PDLIM5: variants seen among roughly 807,000 people sequenced by gnomAD.
PDLIM5 encodes the protein PDZ and LIM domain protein 5.
In PDLIM5, 34 loss-of-function variants were observed where a neutral mutation model predicts 64.2. The ratio of observed to expected loss-of-function variants is 0.53; its 90% CI spans 0.40 to 0.71. The LOEUF (loss-of-function observed/expected upper bound fraction) is 0.71, where lower values mean the gene tolerates loss of function less well. Among genes scored for constraint, PDLIM5 ranks in the 30% least tolerant of loss-of-function variants. The probability of loss-of-function intolerance (pLI) is 0.00; values close to 1 mark genes in which losing one functional copy is unlikely to be tolerated. For missense variants in PDLIM5, 683 were observed against 733.6 expected, an observed-to-expected ratio of 0.93 and a Z score of 0.80; for synonymous variants, 253 against 269.1, an observed-to-expected ratio of 0.94 and a Z score of 0.59.
chr4:94,661,032 C>T (rs1742665229), intron 11 of PDLIM5, among the ~76,000 whole-genome samples: 1 of 151,858 alleles, frequency 6.6e-6, no homozygotes, highest in Non-Finnish European at 1.5e-5. Context: ...TCCAGTGAGC[C>T]GAGATCGCGC....
chr4:94,581,139 G>A (rs1735699348), intron 5 of PDLIM5, among the ~76,000 whole-genome samples: 1 of 152,126 alleles, frequency 6.6e-6, no homozygotes, highest in South Asian at 2.1e-4. Context: ...GGGGGAAAGT[G>A]GGCAGCACAG....
At chr4:94,537,778 A>C (rs1052668645) in intron 3 of PDLIM5, among the ~76,000 whole-genome samples, 2 of 152,224 alleles carry the variant, frequency 1.3e-5, no homozygotes, top group African/African-American at 4.8e-5. Context: ...AGTACTTCAG[A>C]GTCACACAAC....
At chr4:94,469,289 A>G (rs1017805297) in intron 2 of PDLIM5, among the ~76,000 whole-genome samples, 2 of 152,242 alleles carry the variant, frequency 1.3e-5, no homozygotes, top group African/African-American at 4.8e-5. Flanking sequence ...GTGATGTGCC[A>G]GAGAGTAACT....
chr4:94,545,109 T>G (rs1282264023), intron 3 of PDLIM5, among the ~76,000 whole-genome samples: 1 of 152,234 alleles, frequency 6.6e-6, no homozygotes, highest in Non-Finnish European at 1.5e-5. Context: ...TATTTTGTAG[T>G]TAGTTTACTT....
Position 94,666,323 on chromosome 4 carries a change from A to G in PDLIM5, c.*2256A>G, listed in dbSNP as rs1249886610. 3.3e-6 allele frequency: 1 copy of G among 300,882 alleles called. No individual in the cohort carries two copies. Among genetic ancestry groups the G allele is most frequent in the African/African-American group, 2.2e-5 (1 of 46,456 alleles). The allele number at this position is 300,882 out of a possible 1,614,324, so 18.6% of individuals were successfully genotyped here. A position where few individuals can be genotyped will look rare whatever the true frequency, so the allele number is the denominator to read the frequency against. ...AGAATGGCAAGGGGTGACACAAAGT[A>G]GCAAACTGAATACTTCTCCAATAGC... is the stretch of plus-strand genomic sequence containing the variant. On this transcript the variant is annotated 3_prime_UTR_variant, in exon 13 of 13. Coordinates refer to ENST00000317968, the MANE Select transcript of PDLIM5 (RefSeq NM_006457.5).
chr4:94,492,566 C>T (rs903660031), intron 2 of PDLIM5, among the ~76,000 whole-genome samples: 1 of 152,106 alleles, frequency 6.6e-6, no homozygotes, highest in Non-Finnish European at 1.5e-5. Context: ...TCCTGGCAGC[C>T]ATCAGTCTGT....
At position 94,631,964 on chromosome 4, in the gene PDLIM5, C is replaced by T. The variant is rs535868110; in HGVS notation, c.1109-8312C>T. Reference sequence around the variant, plus strand: ...CAATTCTTCTAGCTTAGATACTTCTCCTGAGTTTTTATATTCAATAAATGA... The same window carrying T: ...CAATTCTTCTAGCTTAGATACTTCTTCTGAGTTTTTATATTCAATAAATGA... On this transcript the variant is annotated intron_variant, in intron 8 of 12. Coordinates refer to ENST00000317968, the MANE Select transcript of PDLIM5 (RefSeq NM_006457.5). Among the ~76,000 whole-genome samples, 6 of 152,352 alleles carry T rather than the reference C, an allele frequency of 3.9e-5. No homozygotes were observed. In the South Asian group the frequency reaches 1.2e-3, roughly 32 times the overall value.
intron 9 of PDLIM5, among the ~76,000 whole-genome samples, chr4:94,642,570 G>A (rs1741082373): frequency 1.3e-5 from 2 of 152,174 alleles, no homozygotes; most frequent in African/African-American, 4.8e-5. Context: ...TCCAGTACTT[G>A]TTATCAGTTA....
At chr4:94,476,557 G>A (rs1034957608) in intron 2 of PDLIM5, among the ~76,000 whole-genome samples, 1 of 152,112 alleles carries the variant, frequency 6.6e-6, no homozygotes, top group Non-Finnish European at 1.5e-5. Context: ...AAACAGACAC[G>A]TTTCTGACAT....
Position 94,578,860 on chromosome 4 carries a change from A to G in PDLIM5, c.710+2826A>G, listed in dbSNP as rs530726529. Among the ~76,000 whole-genome samples, 6 of 152,098 alleles carry G rather than the reference A, an allele frequency of 3.9e-5. No homozygotes were observed. The East Asian group carries it at 1.2e-3, about 29-fold the overall frequency. ...AAAATAATACATACCAATGACCAAA[A>G]ATTTAAGAGTTCAGAAGGATGTAAA... On this transcript the variant is annotated intron_variant, in intron 5 of 12. Transcript: ENST00000317968.
intron 2 of PDLIM5, among the ~76,000 whole-genome samples, chr4:94,501,480 A>C (rs1359473468): frequency 6.6e-6 from 1 of 152,204 alleles, no homozygotes; most frequent in African/African-American, 2.4e-5. Flanking sequence ...TTATGACAAC[A>C]TAAGTTCAGA....
intron 2 of PDLIM5, among the ~76,000 whole-genome samples, chr4:94,517,434 A>G (rs975291876): frequency 9.2e-5 from 14 of 152,190 alleles, no homozygotes; most frequent in African/African-American, 3.4e-4. Flanking sequence ...AAAATTCAAG[A>G]TTGCTCATTA....
At chr4:94,494,938 C>T (rs1024617362) in intron 2 of PDLIM5, among the ~76,000 whole-genome samples, 5 of 151,734 alleles carry the variant, frequency 3.3e-5, no homozygotes, top group African/African-American at 7.3e-5. Flanking sequence ...TTAGTACAGA[C>T]GGGGTTTCAC....
chr4:94,654,331 GTT>G, intron 9 of PDLIM5, 127 bp from the exon 10 acceptor site: 1 of 672,984 alleles, frequency 1.5e-6, no homozygotes, highest in Non-Finnish European at 2.7e-6. Context: ...ACACCCATGA[GTT>G]CAGTCCTTAA....
chr4:94,634,907 T>C (rs1740438193), intron 8 of PDLIM5, among the ~76,000 whole-genome samples: 1 of 152,204 alleles, frequency 6.6e-6, no homozygotes, highest in Admixed American at 6.5e-5. Context: ...TTAGGTATAT[T>C]TTACTGGACT....
At chr4:94,603,306 AC>A (rs1483156412) in intron 7 of PDLIM5, among the ~76,000 whole-genome samples, 1 of 152,194 alleles carries the variant, frequency 6.6e-6, no homozygotes, top group Non-Finnish European at 1.5e-5. Flanking sequence ...GCCAGAAAAC[AC>A]AGGGGCTGGA....
At chr4:94,469,929 GATT>G (rs890129671) in intron 2 of PDLIM5, among the ~76,000 whole-genome samples, 1 of 140,096 alleles carries the variant, frequency 7.1e-6, no homozygotes, top group African/African-American at 2.7e-5. Flanking sequence ...TTTGCACACT[GATT>G]ATATTTTTCC....
chr4:94,468,817 CAT>C (rs1180466367), intron 2 of PDLIM5, among the ~76,000 whole-genome samples: 1 of 152,190 alleles, frequency 6.6e-6, no homozygotes, highest in Non-Finnish European at 1.5e-5. Flanking sequence ...CTGAATGACA[CAT>C]GTCAGAGCCA....
At chr4:94,604,330 G>T (rs1737739357) in intron 7 of PDLIM5, among the ~76,000 whole-genome samples, 1 of 152,090 alleles carries the variant, frequency 6.6e-6, no homozygotes, top group Non-Finnish European at 1.5e-5. Context: ...GGCTTAGGAG[G>T]TATCTAATGT....
Sources: allele counts gnomAD v4.1 joint callset (sites outside exome capture counted in the v4.1 genomes callset), GRCh38; gene constraint gnomAD v4.1.1; transcripts MANE v1.5; gene names NCBI Gene and HGNC (gene_info 2026-07-23, HGNC 2026-07-21).